Variants in FOXRED2 observed in about 807,000 individuals in gnomAD.
FOXRED2 encodes the protein FAD-dependent oxidoreductase domain-containing protein 2.
In FOXRED2, 32 loss-of-function variants were observed where a neutral mutation model predicts 52.5. The ratio of observed to expected loss-of-function variants is 0.61; its 90% CI spans 0.46 to 0.82. The LOEUF is 0.82. Ranked by LOEUF, FOXRED2 falls within the 40% of genes least tolerant of loss-of-function variation. The pLI, the probability that FOXRED2 is intolerant of heterozygous loss-of-function variation, is 0.00. For missense variants in FOXRED2, 848 were observed against 937.5 expected (o/e 0.90, Z 1.25); for synonymous variants, 405 against 398.1 (o/e 1.02, Z -0.21).
chr22:36,504,465 CCA>C, intron 3 of FOXRED2, 48 bp downstream of exon 3: 1 of 1,609,872 alleles, frequency 6.2e-7, no homozygotes, highest in South Asian at 1.1e-5. Flanking sequence ...GAGGCTCTTT[CCA>C]CACTCTGGGC....
rs9619612 is a variant in FOXRED2 at position 36,498,481 on chromosome 22, T to C, written c.1217-325A>G. On this transcript the variant is annotated intron_variant, in intron 5 of 8. Coordinates refer to ENST00000397224, the MANE Select transcript of FOXRED2 (RefSeq NM_001102371.2). ...GGCAAAGGAGTGAGCACAGCTGGAG[T>C]TGGTCTCCAGGCCAGAGTCCATCTG... The C allele has an allele frequency of 6.4e-3, 1,598 of 248,272 alleles. 28 individuals are homozygous for C. The highest frequency in any genetic ancestry group is 0.032 in the African/African-American group (1,467 of 45,432). The allele number at this position is 248,272 out of a possible 1,614,324, so 15.4% of individuals were successfully genotyped here.
At chr22:36,495,038 G>A (rs578192964) in intron 7 of FOXRED2, among the ~76,000 whole-genome samples, 240 of 151,688 alleles carry the variant, frequency 1.6e-3, no homozygotes, top group Admixed American at 3.2e-3. Flanking sequence ...TCTGCCTCCC[G>A]GATCCCGGTT....
Position 36,504,164 on chromosome 22 carries a change from A to G in FOXRED2, c.983T>C (p.Met328Thr), listed in dbSNP as rs767767156. The change falls in exon 4 of 9, where the codon ATG (methionine) becomes ACG (threonine). Residue 328 changes from methionine to threonine, a missense_variant. Transcript: ENST00000397224. Reference protein sequence around the residue: ...LPQDDNDNFAMRVPYDRVIRC... With the variant: ...LPQDDNDNFATRVPYDRVIRC... ...GATTACCCGGTCATAGGGCACGCGC[A>G]TGGCAAAGTTGTCATTGTCGTCCTG... The G allele has an allele frequency of 3.1e-6, 5 of 1,614,118 alleles. No homozygotes were observed. In the African/African-American group the frequency reaches 5.3e-5, roughly 17 times the overall value.
rs183929470 is a variant in FOXRED2, at chr22:36,506,670, C to T, written c.-1-247G>A. Reference sequence around the variant, plus strand: ...TCCTTCCTCAGGGGCACCGGCTCCCCGCTTATGATTGTAGTAACCTCCACC... The same window carrying T: ...TCCTTCCTCAGGGGCACCGGCTCCCTGCTTATGATTGTAGTAACCTCCACC... On this transcript the variant is annotated intron_variant, in intron 1 of 8. Transcript: ENST00000397224. The T allele has an allele frequency of 3.2e-4, 141 of 441,742 alleles. No individual in the cohort carries two copies. In the East Asian group the frequency reaches 4.0e-3, roughly 12 times the overall value. The allele number at this position is 441,742 out of a possible 1,614,324, so 27.4% of individuals were successfully genotyped here.
Position 36,487,596 on chromosome 22 carries a change from A to G in FOXRED2, c.*2412T>C, listed in dbSNP as rs1218708176. 6.6e-6 allele frequency: 1 copy of G among 152,254 alleles called. No individual in the cohort carries two copies. The highest frequency in any genetic ancestry group is 1.5e-5 in the Non-Finnish European group (1 of 68,040). The allele number at this position is 152,254 out of a possible 1,614,324, so 9.4% of individuals were successfully genotyped here. A position where few individuals can be genotyped will look rare whatever the true frequency, so the allele number is the denominator to read the frequency against. On this transcript the variant is annotated 3_prime_UTR_variant, in exon 9 of 9. Coordinates refer to ENST00000397224, the MANE Select transcript of FOXRED2 (RefSeq NM_001102371.2). ...ACAGGTGAGCTGAACATACTGATAC[A>G]TTGGTTCTTTGGAGAGGATCTCAGA...
Position 36,506,063 on chromosome 22 carries a change from G to A in FOXRED2, c.360C>T (p.Pro120=). 2.5e-6 allele frequency: 4 copies of A among 1,614,252 alleles called. No homozygotes were observed. Among genetic ancestry groups the A allele is most frequent in the East Asian group, 4.5e-5 (2 of 44,886 alleles). ...GGTAGCGCACCATGTCGCGGGCGTCGGGGAAGTAGGCACGCGAGTAGTGTC... is the reference window on the plus strand; with the variant it reads ...GGTAGCGCACCATGTCGCGGGCGTCAGGGAAGTAGGCACGCGAGTAGTGTC... ...LFRHYSRAYF[P]DARDMVRYLG... is the part of the protein sequence containing the mutation. Residue 120 remains proline, a synonymous_variant, in exon 2 of 9, where the codon CCC becomes CCT. Transcript: ENST00000397224.
At chr22:36,497,832 T>A (rs926954501) in intron 6 of FOXRED2, among the ~76,000 whole-genome samples, 159 bp downstream of exon 6, 4 of 151,838 alleles carry the variant, frequency 2.6e-5, no homozygotes, top group Non-Finnish European at 5.9e-5. Flanking sequence ...GTCTGTAGAG[T>A]TAATGTCATT....
At chr22:36,493,203 C>T (rs953167986) in intron 8 of FOXRED2, among the ~76,000 whole-genome samples, 1 of 152,212 alleles carries the variant, frequency 6.6e-6, no homozygotes, top group African/African-American at 2.4e-5. Context: ...AACACTTCAG[C>T]AGGCTGAGGC....
At chr22:36,506,561 C>T (rs1326743450) in intron 1 of FOXRED2, 138 bp from the exon 2 acceptor site, 4 of 826,352 alleles carry the variant, frequency 4.8e-6, no homozygotes, top group Middle Eastern at 3.8e-4. Flanking sequence ...CCTCAGAGCT[C>T]ATTTGCCCGG....
chr22:36,501,400 T>G lies in FOXRED2; in HGVS notation c.1057A>C (p.Arg353=). The change falls in exon 5 of 9, where the codon AGA becomes CGA. Residue 353 remains arginine, a synonymous_variant. Transcript: ENST00000397224. The part of the protein sequence containing the change: ...FDFSIFNKSL[R]LNSGNAFGKK... Reference sequence around the variant, plus strand: ...CCGAATGCATTTCCCGAGTTAAGTCTGAGGGACCTGTCAGTGGAAAGGGCT... The same window carrying G: ...CCGAATGCATTTCCCGAGTTAAGTCGGAGGGACCTGTCAGTGGAAAGGGCT... The G allele has an allele frequency of 6.2e-7, 1 of 1,614,092 alleles. No homozygotes were observed. Among genetic ancestry groups the G allele is most frequent in the Non-Finnish European group, 8.5e-7 (1 of 1,179,962 alleles).
At position 36,492,774 on chromosome 22, in the gene FOXRED2, T is replaced by C. The variant is rs564036577; in HGVS notation, c.1795+859A>G. Among the ~76,000 whole-genome samples, 5 of 152,284 alleles carry C rather than the reference T, an allele frequency of 3.3e-5. No individual in the cohort carries two copies. In the South Asian group the frequency reaches 1.0e-3, roughly 32 times the overall value. On this transcript the variant is annotated intron_variant, in intron 8 of 8. Transcript: ENST00000397224. The stretch of plus-strand genomic sequence containing the variant: ...CTCAGGTGATCCACCCACCTCGGCC[T>C]CCCAAAGTGTTGAGATTACAGGCGT...
intron 5 of FOXRED2, 33 bp from the exon 6 acceptor site, chr22:36,498,189 C>A: frequency 1.3e-6 from 2 of 1,588,604 alleles, no homozygotes; most frequent in Non-Finnish European, 8.6e-7. Context: ...CGGCACGCTG[C>A]ACTTACCATT....
chr22:36,502,263 G>A (rs1794434270), intron 4 of FOXRED2, among the ~76,000 whole-genome samples: 1 of 152,112 alleles, frequency 6.6e-6, no homozygotes, highest in Non-Finnish European at 1.5e-5. Context: ...TGGAAAGGAG[G>A]GTCTGGACAG....
At position 36,504,529 on chromosome 22, in the gene FOXRED2, G is replaced by T; in HGVS notation, c.765C>A (p.Tyr255Ter). The part of the protein sequence containing the change: ...SRVRLSWATH[Y>*]VGDLRAINNG... ...ATGTGGCCTACCTGAGGTCTCCAAC[G>T]TAGTGGGTGGCCCAGGACAGACGGA... is the stretch of plus-strand genomic sequence containing the variant. Residue 255 changes from tyrosine to a stop codon, truncating the protein, a stop_gained, in exon 3 of 9, where the codon TAC (tyrosine) becomes TAA (stop). Transcript: ENST00000397224. LOFTEE classifies it high-confidence loss of function. 6.2e-7 allele frequency: 1 copy of T among 1,614,162 alleles called. No individual in the cohort carries two copies. Among genetic ancestry groups the T allele is most frequent in the Non-Finnish European group, 8.5e-7 (1 of 1,180,028 alleles).
intron 8 of FOXRED2, among the ~76,000 whole-genome samples, chr22:36,491,767 A>G (rs1044444163): frequency 3.3e-5 from 5 of 152,174 alleles, no homozygotes; most frequent in Admixed American, 1.3e-4. Flanking sequence ...GTTTCTTTAT[A>G]AATTACAGTC....
intron 2 of FOXRED2, among the ~76,000 whole-genome samples, chr22:36,505,398 C>T (rs896899891): frequency 6.6e-6 from 1 of 152,196 alleles, no homozygotes; most frequent in Non-Finnish European, 1.5e-5. Flanking sequence ...TGAGGATCGC[C>T]ATCCAGGGGA....
intron 6 of FOXRED2, among the ~76,000 whole-genome samples, chr22:36,497,401 T>C (rs1933929389): frequency 6.6e-6 from 1 of 152,166 alleles, no homozygotes; most frequent in African/African-American, 2.4e-5. Flanking sequence ...AGAAAGCGGC[T>C]GCACTACCTG....
intron 1 of FOXRED2, 123 bp from the exon 2 acceptor site, chr22:36,506,546 G>A: frequency 1.0e-6 from 1 of 973,498 alleles, no homozygotes. Context: ...AGGCCCAGAA[G>A]CCGTCCTCAG....
chr22:36,499,574 C>T (rs1076642), intron 5 of FOXRED2, among the ~76,000 whole-genome samples: 91,416 of 151,916 alleles, frequency 0.6, 28,892 homozygotes, highest in Non-Finnish European at 0.71. Flanking sequence ...TGCAGTGAGC[C>T]GAGATGGCGC....
Sources: allele counts gnomAD v4.1 joint callset (sites outside exome capture counted in the v4.1 genomes callset), GRCh38; gene constraint gnomAD v4.1.1; transcripts MANE v1.5; gene names NCBI Gene and HGNC (gene_info 2026-07-23, HGNC 2026-07-21).